ZNF461: variants seen among roughly 807,000 people sequenced by gnomAD.
ZNF461 encodes the protein gonadotropin-inducible ovarian transcription factor-1.
In ZNF461, 16 loss-of-function variants were observed where a neutral mutation model predicts 18.3. That is an observed-to-expected ratio of 0.88 (90% CI 0.59 to 1.33). ZNF461 has a LOEUF of 1.33. ZNF461 is among the 40% of genes most tolerant of loss of function. The pLI, the probability that ZNF461 is intolerant of heterozygous loss-of-function variation, is 0.00. For synonymous variants in ZNF461, 179 were observed against 216.9 expected (o/e 0.83, Z 1.54); for missense variants, 595 against 669.9 (o/e 0.89, Z 1.23).
At chr19:36,657,037 C>T (rs1431248171) in intron 3 of ZNF461, among the ~76,000 whole-genome samples, 1 of 151,568 alleles carries the variant, frequency 6.6e-6, no homozygotes, top group Non-Finnish European at 1.5e-5. Context: ...CCAGGCTGGT[C>T]TCAAACTCCT....
chr19:36,638,983 T>C lies in ZNF461; in HGVS notation c.1362A>G (p.Ser454=). ...GAATTCTCTGATGTCTTTTGAGGTGTGAACACTGTCTAAAAGTCTTCCCAC... is the reference window on the plus strand; with the variant it reads ...GAATTCTCTGATGTCTTTTGAGGTGCGAACACTGTCTAAAAGTCTTCCCAC... The part of the protein sequence containing the change: ...KECGKTFRQC[S]HLKRHQRIHT... The change falls in exon 6 of 6, where the codon TCA becomes TCG. Residue 454 remains serine, a synonymous_variant. Coordinates refer to ENST00000588268, the MANE Select transcript of ZNF461 (RefSeq NM_153257.5). 1 of 1,614,134 alleles carries C rather than the reference T, an allele frequency of 6.2e-7. No individual in the cohort carries two copies. Among genetic ancestry groups the C allele is most frequent in the Non-Finnish European group, 8.5e-7 (1 of 1,180,012 alleles).
intron 5 of ZNF461, 143 bp downstream of exon 5, chr19:36,643,651 A>C: frequency 1.4e-6 from 1 of 691,696 alleles, no homozygotes; most frequent in South Asian, 4.1e-5. Context: ...CTGAAATCTA[A>C]CAGAATGCGT....
rs773059098 is a variant in ZNF461, at chr19:36,639,388, A to G, written c.957T>C (p.His319=). 6.2e-7 allele frequency: 1 copy of G among 1,613,986 alleles called. No homozygotes were observed. The highest frequency in any genetic ancestry group is 1.1e-5 in the South Asian group (1 of 91,064). ...AFRQRSQLTQ[H]QRLHTGEKPY... ...GTTTTTCACCAGTATGAAGTCTCTG[A>G]TGTTGAGTAAGCTGTGATCGCTGTC... The change falls in exon 6 of 6, where the codon CAT becomes CAC. Residue 319 remains histidine (H), a synonymous_variant. Coordinates refer to ENST00000588268, the MANE Select transcript of ZNF461 (RefSeq NM_153257.5).
At chr19:36,658,085 G>A in intron 3 of ZNF461, 1 of 526,598 alleles carries the variant, frequency 1.9e-6, no homozygotes, top group Non-Finnish European at 3.3e-6. Context: ...GTTATTATAA[G>A]AAAGGACCAA....
chr19:36,655,011 C>A (rs183184212), intron 4 of ZNF461, among the ~76,000 whole-genome samples: 1 of 152,228 alleles, frequency 6.6e-6, no homozygotes, highest in Non-Finnish European at 1.5e-5. Flanking sequence ...TATTTAGAGA[C>A]AGCATCTTGC....
At chr19:36,643,015 C>T (rs759120242) in intron 5 of ZNF461, among the ~76,000 whole-genome samples, 17 of 152,074 alleles carry the variant, frequency 1.1e-4, no homozygotes, top group South Asian at 2.1e-4. Context: ...GCCATCCACC[C>T]GCCTTGGCTT....
rs2037300807 is a variant in ZNF461, at chr19:36,636,842, G to C, written c.*1811C>G. Among the ~76,000 whole-genome samples the C allele has an allele frequency of 6.6e-6, 1 of 152,198 alleles. No homozygotes were observed. The highest frequency in any genetic ancestry group is 1.5e-5 in the Non-Finnish European group (1 of 68,042). On this transcript the variant is annotated 3_prime_UTR_variant, in exon 6 of 6. Transcript: ENST00000588268. ...CTGATTTATTCTTTTACTTATCAGA[G>C]AGCAGCTGTGGGGAGTGGGCCTAAC...
intron 4 of ZNF461, among the ~76,000 whole-genome samples, chr19:36,656,020 C>T (rs1350982258): frequency 3.2e-5 from 4 of 125,688 alleles, no homozygotes; most frequent in Non-Finnish European, 4.9e-5. Context: ...TTTTTTGAGA[C>T]GGAGTCTCGT....
At position 36,637,557 on chromosome 19, in the gene ZNF461, A is replaced by C; in HGVS notation, c.*1096T>G. The C allele has an allele frequency of 5.6e-6, 1 of 178,568 alleles. No individual in the cohort carries two copies. The highest frequency in any genetic ancestry group is 9.9e-5 in the South Asian group (1 of 10,142). The allele number at this position is 178,568 out of a possible 1,614,324, so 11.1% of individuals were successfully genotyped here. A position where few individuals can be genotyped will look rare whatever the true frequency, so the allele number is the denominator to read the frequency against. On this transcript the variant is annotated 3_prime_UTR_variant, in exon 6 of 6. Coordinates refer to ENST00000588268, the MANE Select transcript of ZNF461 (RefSeq NM_153257.5). ...AATAAATATAGCTTATTGGCCGGGC[A>C]TAGTGGCTGCGCATGCCTGTAGTCC...
rs781330221 is a variant in ZNF461, at chr19:36,658,336, C to T, written c.99G>A (p.Glu33=). The change falls in exon 3 of 6, where the codon GAG becomes GAA. Residue 33 remains glutamate, a synonymous_variant. Transcript: ENST00000588268. ...LNPAQRNLYK[E]VMLENYSNLV... is the part of the protein sequence containing the mutation. ...AGTTGCTATAATTCTCCAACATCAC[C>T]TCCTTGTACAAATTCCTCTGCGCTG... 12 of 1,610,684 alleles carry T rather than the reference C, an allele frequency of 7.5e-6. No individual in the cohort carries two copies. In the South Asian group the frequency reaches 1.1e-4, roughly 15 times the overall value.
intron 4 of ZNF461, among the ~76,000 whole-genome samples, chr19:36,655,852 T>C (rs1320444948): frequency 6.6e-6 from 1 of 152,196 alleles, no homozygotes; most frequent in African/African-American, 2.4e-5. Flanking sequence ...TTCTATATGG[T>C]GTAAGACAAG....
At position 36,656,537 on chromosome 19, in the gene ZNF461, G is replaced by A. The variant is rs2037723716; in HGVS notation, c.143C>T (p.Ser48Phe). The A allele has an allele frequency of 6.2e-7, 1 of 1,613,630 alleles. No homozygotes were observed. Among genetic ancestry groups the A allele is most frequent in the Non-Finnish European group, 8.5e-7 (1 of 1,179,614 alleles). ...NYSNLVSLGL[S>F]VSKPAVISSL... ...GGAGATTACGGCTGGCTTAGAAACA[G>A]AAAGTCCTAGTTATAAGAAAAGAAA... The change falls in exon 4 of 6, where the codon TCT (serine) becomes TTT (phenylalanine). Residue 48 changes from serine to phenylalanine, a missense_variant. Physicochemically the swap from Ser to Phe is radical, Grantham distance 155 (BLOSUM62 -2). Coordinates refer to ENST00000588268, the MANE Select transcript of ZNF461 (RefSeq NM_153257.5).
intron 2 of ZNF461, among the ~76,000 whole-genome samples, chr19:36,660,259 C>T (rs2037794871): frequency 6.7e-6 from 1 of 149,502 alleles, no homozygotes; most frequent in African/African-American, 2.5e-5. Flanking sequence ...AAGTGATTCT[C>T]ATGCCTCAGC....
At chr19:36,640,911 G>T (rs955660577) in intron 5 of ZNF461, among the ~76,000 whole-genome samples, 1 of 152,104 alleles carries the variant, frequency 6.6e-6, no homozygotes, top group South Asian at 2.1e-4. Flanking sequence ...TAAAACTTCA[G>T]CTCCTAGGCA....
Position 36,639,464 on chromosome 19 carries a change from A to C in ZNF461, c.881T>G (p.Ile294Ser). Residue 294 changes from isoleucine (I) to serine (S), a missense_variant, in exon 6 of 6, where the codon ATT (isoleucine) becomes AGT (serine). Physicochemically the swap from Ile to Ser is moderately radical, Grantham distance 142. Coordinates refer to ENST00000588268, the MANE Select transcript of ZNF461 (RefSeq NM_153257.5). ...YGSELTLHQR[I>S]HTGEKPYECK... ...TTCATAAGGTTTCTCACCAGTGTGA[A>C]TTCTTTGATGTAGAGTAAGTTCTGA... The C allele has an allele frequency of 2.5e-6, 4 of 1,614,038 alleles. No individual in the cohort carries two copies. The highest frequency in any genetic ancestry group is 3.4e-6 in the Non-Finnish European group (4 of 1,179,986).
chr19:36,658,423 CT>C lies in ZNF461; in HGVS notation c.11del (p.Glu4GlyfsTer3), dbSNP rs746642790. On this transcript the variant is annotated frameshift_variant and splice_region_variant, in exon 3 of 6. Coordinates refer to ENST00000588268, the MANE Select transcript of ZNF461 (RefSeq NM_153257.5). LOFTEE classifies it high-confidence loss of function. MAH[E>X]LVMFRDVAID... ...TAGCCACATCTCTGAACATCACCAA[CT>C]CCTAAAATGACAAATAATAGTACTA... The C allele has an allele frequency of 1.9e-6, 3 of 1,602,462 alleles. No homozygotes were observed. In the Admixed American group the frequency reaches 5.2e-5, roughly 28 times the overall value.
intron 5 of ZNF461, chr19:36,643,329 T>C (rs943000655): frequency 3.9e-5 from 6 of 152,258 alleles, no homozygotes; most frequent in Admixed American, 3.9e-4. Context: ...TTTTTGTCTA[T>C]TTCTGAATTT....
chr19:36,661,880 T>G (rs1420066924), intron 2 of ZNF461, among the ~76,000 whole-genome samples: 1 of 152,210 alleles, frequency 6.6e-6, no homozygotes, highest in African/African-American at 2.4e-5. Context: ...TTTTTATTTA[T>G]TTATTTTTTT....
chr19:36,661,372 C>G (rs1373759209), intron 2 of ZNF461, among the ~76,000 whole-genome samples: 3 of 151,560 alleles, frequency 2.0e-5, no homozygotes, highest in Non-Finnish European at 4.4e-5. Flanking sequence ...CATTGCAAAC[C>G]TTAACCCCTA....
Sources: gnomAD v4.1 joint callset for allele counts (sites outside exome capture counted in the v4.1 genomes callset) on GRCh38, gnomAD v4.1.1 for gene constraint, MANE v1.5 for transcripts, NCBI Gene and HGNC (gene_info 2026-07-23, HGNC 2026-07-21) for gene names.